Variants in HPSE2 observed in about 807,000 individuals in gnomAD.
HPSE2 encodes the protein heparanase 2 (inactive).
Under a neutral mutation model 60.5 loss-of-function variants are expected in HPSE2, and 38 were observed. The ratio of observed to expected loss-of-function variants is 0.63; its 90% CI spans 0.48 to 0.82. The LOEUF (loss-of-function observed/expected upper bound fraction) is 0.82. Among genes scored for constraint, HPSE2 ranks in the 40% least tolerant of loss-of-function variants. The pLI is 0.00. For missense variants in HPSE2, 713 were observed against 740.4 expected (o/e 0.96, Z 0.43); for synonymous variants, 295 against 293.2 (o/e 1.01, Z -0.06).
intron 3 of HPSE2, among the ~76,000 whole-genome samples, chr10:98,893,013 G>GCC (rs1953379784): frequency 6.6e-6 from 1 of 151,724 alleles, no homozygotes; most frequent in African/African-American, 2.4e-5. Flanking sequence ...GTACTATGAG[G>GCC]TAGGTATCAT....
Position 98,457,580 on chromosome 10 carries a change from C to T in HPSE2, c.*1994G>A, listed in dbSNP as rs941996507. Reference sequence around the variant, plus strand: ...CACCTGTACCAGTATGTAGAAGAGACGTTGATATCTGCACACATTTTTAAC... The same window carrying T: ...CACCTGTACCAGTATGTAGAAGAGATGTTGATATCTGCACACATTTTTAAC... On this transcript the variant is annotated 3_prime_UTR_variant, in exon 12 of 12. Transcript: ENST00000370552. The T allele has an allele frequency of 1.3e-5, 2 of 152,240 alleles. No homozygotes were observed. Among genetic ancestry groups the T allele is most frequent in the East Asian group, 1.9e-4 (1 of 5,196 alleles). 9.4% of individuals were successfully genotyped at this position (152,240 alleles called of 1,614,324 possible).
At chr10:98,912,956 G>T (rs1391131919) in intron 3 of HPSE2, among the ~76,000 whole-genome samples, 1 of 151,990 alleles carries the variant, frequency 6.6e-6, no homozygotes, top group Admixed American at 6.6e-5. Context: ...GAATCACAAC[G>T]GATAAATGCT....
intron 9 of HPSE2, among the ~76,000 whole-genome samples, chr10:98,492,456 T>C (rs1467067688): frequency 4.8e-5 from 7 of 146,372 alleles, no homozygotes; most frequent in East Asian, 2.0e-4. Context: ...GAGCCGAGAT[T>C]GCGCCACTGC....
At chr10:98,562,382 C>T (rs1216490107) in intron 9 of HPSE2, among the ~76,000 whole-genome samples, 1 of 152,176 alleles carries the variant, frequency 6.6e-6, no homozygotes, top group Non-Finnish European at 1.5e-5. Flanking sequence ...CAGACAGCCT[C>T]TGAGAGCATG....
intron 3 of HPSE2, among the ~76,000 whole-genome samples, chr10:99,001,984 A>G (rs1246702089): frequency 1.3e-5 from 2 of 152,100 alleles, no homozygotes; most frequent in African/African-American, 4.8e-5. Context: ...AGCCATAAAG[A>G]ATATATAAGA....
At chr10:98,823,638 AATAG>A (rs1018176103) in intron 3 of HPSE2, among the ~76,000 whole-genome samples, 7 of 152,152 alleles carry the variant, frequency 4.6e-5, no homozygotes, top group African/African-American at 1.4e-4. Context: ...AAAATAAATA[AATAG>A]ATAGATAGAG....
chr10:98,640,077 A>T (rs75469631), intron 7 of HPSE2, among the ~76,000 whole-genome samples: 4,129 of 152,286 alleles, frequency 0.027, 211 homozygotes, highest in African/African-American at 0.094. Flanking sequence ...GATTAGCATA[A>T]TGTGCTTAGA....
chr10:99,315,395 CA>C, the HPSE2 span, among the ~76,000 whole-genome samples: 1 of 152,278 alleles, frequency 6.6e-6, no homozygotes, highest in South Asian at 2.1e-4. Context: ...TTAGACAAAA[CA>C]AAGATGTTCT....
intron 3 of HPSE2, among the ~76,000 whole-genome samples, chr10:99,131,723 T>C (rs993087526): frequency 4.6e-5 from 7 of 152,134 alleles, no homozygotes; most frequent in African/African-American, 1.7e-4. Context: ...AATGATACAA[T>C]GGACTTTGGA....
chr10:99,055,348 C>T (rs940464693), intron 3 of HPSE2, among the ~76,000 whole-genome samples: 3 of 152,044 alleles, frequency 2.0e-5, no homozygotes, highest in East Asian at 3.9e-4. Context: ...TAAAAACTCA[C>T]TAGATGGGCT....
At chr10:99,074,603 G>A (rs551326203) in intron 3 of HPSE2, among the ~76,000 whole-genome samples, 2 of 152,046 alleles carry the variant, frequency 1.3e-5, no homozygotes, top group Non-Finnish European at 2.9e-5. Flanking sequence ...CCTCTTCAAT[G>A]TTTTTGGACG....
intron 3 of HPSE2, among the ~76,000 whole-genome samples, chr10:98,798,130 T>C (rs1324671877): frequency 6.6e-6 from 1 of 152,270 alleles, no homozygotes; most frequent in Non-Finnish European, 1.5e-5. Context: ...GCAGCAGATT[T>C]TTCAGTGGAA....
At chr10:99,107,465 C>G (rs927108729) in intron 3 of HPSE2, among the ~76,000 whole-genome samples, 4 of 152,136 alleles carry the variant, frequency 2.6e-5, no homozygotes, top group Non-Finnish European at 5.9e-5. Context: ...TGGGTTAGTA[C>G]TTTCCATCAA....
rs538349180 is a variant in HPSE2 at position 98,710,512 on chromosome 10, C to T, written c.956+11145G>A. The stretch of plus-strand genomic sequence containing the variant: ...ATTAAGATGGGTGAGACTCTTTGAC[C>T]AATCCATCTTGTTGATAAAAGTTAC... On this transcript the variant is annotated intron_variant, in intron 5 of 11. Coordinates refer to ENST00000370552, the MANE Select transcript of HPSE2 (RefSeq NM_021828.5). 2.2e-4 allele frequency among the ~76,000 whole-genome samples: 33 copies of T among 152,178 alleles called. No homozygotes were observed. In the East Asian group the frequency reaches 6.4e-3, roughly 29 times the overall value.
At chr10:99,064,604 AATAT>A (rs5787320) in intron 3 of HPSE2, among the ~76,000 whole-genome samples, 5 of 149,612 alleles carry the variant, frequency 3.3e-5, no homozygotes, top group African/African-American at 9.9e-5. Context: ...TATTTACTTA[AATAT>A]ATATATATAT....
At chr10:99,088,607 ATG>A (rs1392992025) in intron 3 of HPSE2, among the ~76,000 whole-genome samples, 2 of 152,150 alleles carry the variant, frequency 1.3e-5, no homozygotes, top group Non-Finnish European at 2.9e-5. Flanking sequence ...TCATAGATTG[ATG>A]GGCATTTGGG....
chr10:99,226,011 T>C (rs575822029), intron 2 of HPSE2, among the ~76,000 whole-genome samples: 1 of 152,222 alleles, frequency 6.6e-6, no homozygotes, highest in Non-Finnish European at 1.5e-5. Flanking sequence ...TTTTCTTTAA[T>C]TATAAACATT....
At chr10:99,038,699 T>C (rs1404942553) in intron 3 of HPSE2, among the ~76,000 whole-genome samples, 4 of 152,154 alleles carry the variant, frequency 2.6e-5, no homozygotes, top group African/African-American at 9.6e-5. Flanking sequence ...TTTGATATTA[T>C]ACTACAGTTA....
At chr10:99,145,556 A>C (rs549603898) in intron 2 of HPSE2, among the ~76,000 whole-genome samples, 51 of 152,188 alleles carry the variant, frequency 3.4e-4, no homozygotes, top group Non-Finnish European at 6.2e-4. Context: ...AATATAATTC[A>C]ACTGATTCTC....
Sources: allele counts gnomAD v4.1 joint callset (sites outside exome capture counted in the v4.1 genomes callset), GRCh38; gene constraint gnomAD v4.1.1; transcripts MANE v1.5; gene names NCBI Gene and HGNC (gene_info 2026-07-23, HGNC 2026-07-21).